The following BABAM2 variants were observed in gnomAD, a reference collection of about 807,000 sequenced individuals.
BABAM2 encodes the protein BRISC and BRCA1-A complex member 2.
BABAM2 carries 31 observed loss-of-function variants against 54.7 expected under a neutral mutation model. The ratio of observed to expected loss-of-function variants is 0.57; its 90% CI spans 0.43 to 0.77. The LOEUF (loss-of-function observed/expected upper bound fraction) is 0.77, where lower values mean the gene tolerates loss of function less well. Ranked by LOEUF, BABAM2 falls within the 30% of genes least tolerant of loss-of-function variation. The pLI is 0.00. For missense variants in BABAM2, 364 were observed against 455.8 expected (o/e 0.80, Z 1.83); for synonymous variants, 167 against 162.9 (o/e 1.03, Z -0.19).
chr2:27,895,667 G>T (rs1373305471), intron 2 of BABAM2, among the ~76,000 whole-genome samples: 4 of 152,074 alleles, frequency 2.6e-5, no homozygotes, highest in African/African-American at 4.8e-5. Flanking sequence ...TTGAGACTTT[G>T]CCAATACCCG....
At chr2:27,981,842 G>T (rs756993569) in intron 3 of BABAM2, among the ~76,000 whole-genome samples, 2 of 152,116 alleles carry the variant, frequency 1.3e-5, no homozygotes, top group Non-Finnish European at 2.9e-5. Flanking sequence ...GTGTGGACAT[G>T]TCTTCACTTC....
chr2:27,963,374 G>A (rs915281740), intron 3 of BABAM2, among the ~76,000 whole-genome samples: 3 of 151,582 alleles, frequency 2.0e-5, no homozygotes, highest in African/African-American at 7.3e-5. Flanking sequence ...AGAGGCTGAG[G>A]GAGGAGAATT....
chr2:27,958,535 CTT>C (rs910788188), intron 3 of BABAM2, among the ~76,000 whole-genome samples: 13 of 148,548 alleles, frequency 8.8e-5, no homozygotes, highest in South Asian at 2.1e-4. Context: ...TATGCATAAA[CTT>C]ATATATGTTT....
chr2:28,263,456 A>G (rs1388621015), intron 10 of BABAM2, among the ~76,000 whole-genome samples: 1 of 152,206 alleles, frequency 6.6e-6, no homozygotes, highest in Non-Finnish European at 1.5e-5. Flanking sequence ...CTAGCAGTTT[A>G]CTAAAGCTTC....
At chr2:28,121,698 C>G (rs1341565036) in intron 6 of BABAM2, among the ~76,000 whole-genome samples, 2 of 151,984 alleles carry the variant, frequency 1.3e-5, no homozygotes, top group Non-Finnish European at 2.9e-5. Flanking sequence ...TAATTTTTCT[C>G]TATAACATTT....
At chr2:27,901,775 A>G (rs1665809461) in intron 2 of BABAM2, among the ~76,000 whole-genome samples, 1 of 152,142 alleles carries the variant, frequency 6.6e-6, no homozygotes, top group Non-Finnish European at 1.5e-5. Context: ...ATTTAGATTT[A>G]GTTGTTCACT....
chr2:28,070,147 C>G (rs966615566), intron 6 of BABAM2, among the ~76,000 whole-genome samples: 9 of 152,258 alleles, frequency 5.9e-5, no homozygotes, highest in African/African-American at 2.2e-4. Context: ...TAGACCTACT[C>G]AGGCACAGTT....
intron 2 of BABAM2, among the ~76,000 whole-genome samples, chr2:27,902,473 A>T (rs1357418091): frequency 6.6e-6 from 1 of 152,220 alleles, no homozygotes; most frequent in Non-Finnish European, 1.5e-5. Flanking sequence ...CTATTTTATT[A>T]GATATTGCCA....
At chr2:28,271,046 A>T (rs886998106) in intron 10 of BABAM2, among the ~76,000 whole-genome samples, 2 of 152,166 alleles carry the variant, frequency 1.3e-5, no homozygotes, top group Admixed American at 6.5e-5. Flanking sequence ...GCCTTGGAGA[A>T]ACAAAAGGCT....
chr2:27,979,146 G>A (rs1671819876), intron 3 of BABAM2, among the ~76,000 whole-genome samples: 1 of 151,222 alleles, frequency 6.6e-6, no homozygotes, highest in East Asian at 1.9e-4. Context: ...TCCTGCCTTA[G>A]CCTCCCAAGT....
intron 7 of BABAM2, among the ~76,000 whole-genome samples, chr2:28,177,791 T>C (rs1400096441): frequency 5.3e-5 from 8 of 150,604 alleles, no homozygotes; most frequent in Admixed American, 4.6e-4. Context: ...AATAAAGGGA[T>C]GGAAAAAGAT....
intron 7 of BABAM2, among the ~76,000 whole-genome samples, chr2:28,181,772 T>C (rs1675651908): frequency 1.3e-5 from 2 of 150,768 alleles, no homozygotes; most frequent in African/African-American, 2.4e-5. Flanking sequence ...AAGAAAAATA[T>C]GCACCAATAA....
chr2:27,942,823 T>TATTA (rs1669017380), intron 3 of BABAM2, among the ~76,000 whole-genome samples: 1 of 151,146 alleles, frequency 6.6e-6, no homozygotes. Flanking sequence ...TTTATTTATT[T>TATTA]ATTTATTAAG....
At chr2:28,094,754 C>G (rs923875866) in intron 6 of BABAM2, among the ~76,000 whole-genome samples, 4 of 151,682 alleles carry the variant, frequency 2.6e-5, no homozygotes, top group Non-Finnish European at 5.9e-5. Context: ...TGTATCTTTC[C>G]AGGATTTCTT....
chr2:28,230,718 G>GA (rs147700429), intron 7 of BABAM2, among the ~76,000 whole-genome samples: 87,398 of 141,338 alleles, frequency 0.62, 27,692 homozygotes, highest in East Asian at 0.99. Flanking sequence ...CCTGTCTCAG[G>GA]AAAAAAAAAA....
chr2:28,306,987 C>T (rs1469428323), intron 11 of BABAM2, among the ~76,000 whole-genome samples: 29 of 138,250 alleles, frequency 2.1e-4, no homozygotes, highest in African/African-American at 7.5e-4. Context: ...TGAGCCACCA[C>T]ACCTGGCCTT....
chr2:28,324,317 C>T (rs1040696570), intron 11 of BABAM2, among the ~76,000 whole-genome samples: 2 of 152,162 alleles, frequency 1.3e-5, no homozygotes, highest in African/African-American at 4.8e-5. Context: ...CAGTGATTCA[C>T]CACGATATAG....
At chr2:28,066,438 G>A (rs929279873) in intron 6 of BABAM2, among the ~76,000 whole-genome samples, 5 of 152,012 alleles carry the variant, frequency 3.3e-5, no homozygotes, top group Admixed American at 6.6e-5. Context: ...GACATGTATC[G>A]ATAGGTTATA....
chr2:28,234,195 T>C (rs958076131), intron 7 of BABAM2, among the ~76,000 whole-genome samples: 3 of 152,140 alleles, frequency 2.0e-5, no homozygotes, highest in Admixed American at 6.5e-5. Context: ...CTGAGCCTCG[T>C]TTTTTTCACA....
Sources: allele counts gnomAD v4.1 joint callset (sites outside exome capture counted in the v4.1 genomes callset), GRCh38; gene constraint gnomAD v4.1.1; transcripts MANE v1.5; gene names NCBI Gene and HGNC (gene_info 2026-07-23, HGNC 2026-07-21).